MCPH1: variants seen among roughly 807,000 people sequenced by gnomAD.
MCPH1 encodes the protein microcephalin 1, also known as microcephalin.
In MCPH1, 104 loss-of-function variants were observed where a neutral mutation model predicts 84.5. That is an observed-to-expected ratio of 1.23 (90% confidence interval 1.05 to 1.45). The LOEUF (loss-of-function observed/expected upper bound fraction) is 1.45. MCPH1 is among the 40% of genes most tolerant of loss of function. The probability of loss-of-function intolerance (pLI) is 0.00; values close to 1 mark genes in which losing one functional copy is unlikely to be tolerated. For missense variants in MCPH1, 1,498 were observed against 1,005.7 expected, an observed-to-expected ratio of 1.49 and a Z score of -6.62; for synonymous variants, 514 against 366.8, an observed-to-expected ratio of 1.40 and a Z score of -4.58.
At chr8:6,408,850 C>G (rs1249055707) in intron 1 of MCPH1, among the ~76,000 whole-genome samples, 6 of 151,994 alleles carry the variant, frequency 3.9e-5, no homozygotes, top group Non-Finnish European at 8.8e-5. Context: ...GCATGAGCCA[C>G]CACACCTGGC....
intron 12 of MCPH1, chr8:6,519,727 C>G (rs1295596561): frequency 9.4e-7 from 1 of 1,061,304 alleles, no homozygotes; most frequent in Non-Finnish European, 1.3e-6. Context: ...GGCGAGGTAG[C>G]TGCCCAGTAA....
chr8:6,564,778 A>G (rs1454546253), intron 12 of MCPH1, among the ~76,000 whole-genome samples: 2 of 152,246 alleles, frequency 1.3e-5, no homozygotes, highest in Admixed American at 1.3e-4. Flanking sequence ...ATCCTCAGAA[A>G]TCAGCTCTTT....
intron 12 of MCPH1, among the ~76,000 whole-genome samples, chr8:6,610,497 T>C (rs920223211): frequency 6.6e-6 from 1 of 152,214 alleles, no homozygotes; most frequent in Non-Finnish European, 1.5e-5. Context: ...AGTTCGACTC[T>C]TAGCAAAAGC....
chr8:6,480,830 T>C lies in MCPH1; in HGVS notation c.2090T>C (p.Val697Ala). 6.2e-7 allele frequency: 1 copy of C among 1,614,210 alleles called. No individual in the cohort carries two copies. Among genetic ancestry groups the C allele is most frequent in the Non-Finnish European group, 8.5e-7 (1 of 1,180,046 alleles). Residue 697 changes from valine to alanine, a missense_variant, in exon 11 of 14, where the codon GTG (valine) becomes GCG (alanine). Coordinates refer to ENST00000344683, the MANE Select transcript of MCPH1 (RefSeq NM_024596.5). ...LSGKPLRTLN[V>A]LLGIARGCWV... ...GGGAAGCCACTTCGCACCCTGAATG[T>C]GCTGCTGGGAATTGCGCGTGGCTGC...
intron 11 of MCPH1, among the ~76,000 whole-genome samples, chr8:6,485,627 C>G (rs939953145): frequency 1.3e-5 from 2 of 152,064 alleles, no homozygotes; most frequent in Admixed American, 1.3e-4. Context: ...CAAAACGTCA[C>G]AAATGTATGT....
At position 6,576,545 on chromosome 8, in the gene MCPH1, G is replaced by C. The variant is rs191223096; in HGVS notation, c.2215-44909G>C. Among the ~76,000 whole-genome samples, 502 of 120,544 alleles carry C rather than the reference G, an allele frequency of 4.2e-3. 2 individuals are homozygous for C. Among genetic ancestry groups the C allele is most frequent in the African/African-American group, 0.015 (474 of 31,538 alleles). The allele number at this position is 120,544 out of a possible 152,430, so 79.1% of individuals were successfully genotyped here. On this transcript the variant is annotated intron_variant, in intron 12 of 13. Transcript: ENST00000344683. Reference sequence around the variant, plus strand: ...GTCCCTTTAGATGTAGTCTCCCTCTGTCCCCCAGGCTGGAGTGCAATGGTG... The same window carrying C: ...GTCCCTTTAGATGTAGTCTCCCTCTCTCCCCCAGGCTGGAGTGCAATGGTG...
intron 13 of MCPH1, chr8:6,624,741 TAAAG>T: frequency 1.1e-6 from 1 of 901,752 alleles, no homozygotes; most frequent in Non-Finnish European, 1.3e-6. Context: ...TATGTACAAA[TAAAG>T]GAAGGTTTAT....
At chr8:6,632,541 G>A (rs909600097) in intron 13 of MCPH1, among the ~76,000 whole-genome samples, 1 of 152,202 alleles carries the variant, frequency 6.6e-6, no homozygotes, top group African/African-American at 2.4e-5. Context: ...TGAGCGCAGT[G>A]ACTCATGCCT....
At chr8:6,426,737 C>G (rs890943693) in intron 3 of MCPH1, among the ~76,000 whole-genome samples, 3 of 152,164 alleles carry the variant, frequency 2.0e-5, no homozygotes, top group African/African-American at 7.2e-5. Context: ...CAGCAGTGTT[C>G]CTTTCACTCC....
Position 6,553,406 on chromosome 8 carries a change from G to A in MCPH1, c.2214+53477G>A, listed in dbSNP as rs931467595. 2.6e-5 allele frequency among the ~76,000 whole-genome samples: 4 copies of A among 152,158 alleles called. No individual in the cohort carries two copies. In the East Asian group the frequency reaches 7.7e-4, roughly 29 times the overall value. ...ACTAGGGTCTTCTGATGGTTACATA[G>A]TTAAAAGTACACTAGCACACCGGGA... On this transcript the variant is annotated intron_variant, in intron 12 of 13. Transcript: ENST00000344683.
intron 3 of MCPH1, among the ~76,000 whole-genome samples, chr8:6,428,745 G>GCACACACA (rs59969242): frequency 0.01 from 1,568 of 149,538 alleles, 23 homozygotes; most frequent in African/African-American, 0.036. Context: ...ACGTGCGCAC[G>GCACACACA]CACACACACA....
chr8:6,550,347 G>T (rs1823414829), intron 12 of MCPH1, among the ~76,000 whole-genome samples: 1 of 152,162 alleles, frequency 6.6e-6, no homozygotes, highest in Non-Finnish European at 1.5e-5. Flanking sequence ...AGTGTGGCGT[G>T]GGGCTGTTGC....
intron 12 of MCPH1, among the ~76,000 whole-genome samples, chr8:6,585,013 A>G (rs1827857602): frequency 6.6e-6 from 1 of 152,238 alleles, no homozygotes; most frequent in Admixed American, 6.5e-5. Flanking sequence ...ATCCCCTCTG[A>G]TCCCCATCCC....
chr8:6,408,791 G>C (rs918129467), intron 1 of MCPH1, among the ~76,000 whole-genome samples: 4 of 152,080 alleles, frequency 2.6e-5, no homozygotes, highest in African/African-American at 7.2e-5. Context: ...TCAAACTTCT[G>C]TGCCCAAGTG....
intron 9 of MCPH1, among the ~76,000 whole-genome samples, chr8:6,470,822 T>G (rs1807621997): frequency 6.6e-6 from 1 of 152,228 alleles, no homozygotes; most frequent in South Asian, 2.1e-4. Flanking sequence ...TAAAGAGGGT[T>G]GTTAAACTGA....
intron 13 of MCPH1, among the ~76,000 whole-genome samples, chr8:6,627,949 A>C (rs1057046488): frequency 6.6e-6 from 1 of 152,074 alleles, no homozygotes; most frequent in African/African-American, 2.4e-5. Flanking sequence ...GTTTTAAAAA[A>C]AATTAACTAA....
chr8:6,440,691 T>A (rs1396308499), intron 6 of MCPH1, among the ~76,000 whole-genome samples: 1 of 152,236 alleles, frequency 6.6e-6, no homozygotes, highest in Non-Finnish European at 1.5e-5. Context: ...TTGAAGTTAC[T>A]TTTGATTAGA....
chr8:6,540,334 C>G (rs1163287070), intron 12 of MCPH1, among the ~76,000 whole-genome samples: 1 of 152,136 alleles, frequency 6.6e-6, no homozygotes, highest in Non-Finnish European at 1.5e-5. Context: ...GATAAAGTGG[C>G]TATTTCTCAT....
At chr8:6,546,050 G>T (rs1822527495) in intron 12 of MCPH1, among the ~76,000 whole-genome samples, 1 of 152,236 alleles carries the variant, frequency 6.6e-6, no homozygotes, top group African/African-American at 2.4e-5. Flanking sequence ...CCCGGTGTGA[G>T]TCCCAGTTCA....
Sources: gnomAD v4.1 joint callset for allele counts (sites outside exome capture counted in the v4.1 genomes callset) on GRCh38, gnomAD v4.1.1 for gene constraint, MANE v1.5 for transcripts, NCBI Gene and HGNC (gene_info 2026-07-23, HGNC 2026-07-21) for gene names.